The following SCOC variants were observed in gnomAD, a reference collection of about 807,000 sequenced individuals.
SCOC encodes short coiled-coil protein, also known as short coiled coil protein.
In SCOC, 7 loss-of-function variants were observed where a neutral mutation model predicts 9.9. The observed-to-expected ratio is 0.71, with a 90% CI of 0.40 to 1.33. SCOC has a LOEUF of 1.33. Ranked by LOEUF, SCOC falls within the 40% of genes most tolerant of loss-of-function variation. SCOC has a pLI of 0.01. For missense variants in SCOC, 66 were observed against 89.7 expected (o/e 0.74, Z 1.07); for synonymous variants, 19 against 28.2 (o/e 0.67, Z 1.03).
At chr4:140,378,759 T>A (rs1728449331) in intron 1 of SCOC, among the ~76,000 whole-genome samples, 1 of 152,182 alleles carries the variant, frequency 6.6e-6, no homozygotes, top group Admixed American at 6.5e-5. Flanking sequence ...TTAAAAAAGA[T>A]GTAAATGTTT....
chr4:140,363,227 C>T (rs528621299), intron 2 of SCOC, among the ~76,000 whole-genome samples: 1 of 152,298 alleles, frequency 6.6e-6, no homozygotes, highest in Admixed American at 6.5e-5. Context: ...AGTCCTTAGA[C>T]TCTGACCCAG....
intron 1 of SCOC, among the ~76,000 whole-genome samples, chr4:140,333,732 T>C (rs1476221106): frequency 6.6e-6 from 1 of 152,166 alleles, no homozygotes; most frequent in Non-Finnish European, 1.5e-5. Context: ...GGATGCCACA[T>C]GAATATTTGA....
intron 1 of SCOC, among the ~76,000 whole-genome samples, chr4:140,327,875 G>C (rs1732695308): frequency 6.6e-6 from 1 of 152,094 alleles, no homozygotes; most frequent in Admixed American, 6.5e-5. Flanking sequence ...AAGCTGTTTG[G>C]CATGTTTTTT....
intron 1 of SCOC, among the ~76,000 whole-genome samples, chr4:140,310,748 C>T (rs2126466689): frequency 6.6e-6 from 1 of 152,300 alleles, no homozygotes; most frequent in Admixed American, 6.5e-5. Context: ...GGAAACTCTG[C>T]TCTTCCTGTC....
rs1278716690 is a variant in SCOC, at chr4:140,383,264, A to G, written c.*2160A>G. The stretch of plus-strand genomic sequence containing the variant: ...AGTATCTTCCCTTACACAGAAAGTA[A>G]TCCCTCTTCATCCAGCTAGTGATTC... On this transcript the variant is annotated 3_prime_UTR_variant, in exon 4 of 4. Coordinates refer to ENST00000608372, the MANE Select transcript of SCOC (RefSeq NM_001153484.2). 1.3e-5 allele frequency: 2 copies of G among 152,142 alleles called. No homozygotes were observed. The highest frequency in any genetic ancestry group is 4.8e-5 in the African/African-American group (2 of 41,444). 9.4% of individuals were successfully genotyped at this position (152,142 alleles called of 1,614,324 possible). A position where few individuals can be genotyped will look rare whatever the true frequency, so the allele number is the denominator to read the frequency against.
chr4:140,337,225 A>G (rs1054468639), intron 1 of SCOC, among the ~76,000 whole-genome samples: 2 of 152,198 alleles, frequency 1.3e-5, no homozygotes, highest in Non-Finnish European at 2.9e-5. Flanking sequence ...TTTGATGCAC[A>G]AAAGTTTTTA....
chr4:140,379,285 A>G, intron 2 of SCOC, 93 bp downstream of exon 2: 1 of 901,190 alleles, frequency 1.1e-6, no homozygotes, highest in East Asian at 2.4e-5. Context: ...CCATGTTTAG[A>G]AGACTTTGAT....
At chr4:140,370,835 T>C (rs930465068), upstream of SCOC, among the ~76,000 whole-genome samples, 2 of 152,182 alleles carry the variant, frequency 1.3e-5, no homozygotes, top group South Asian at 4.1e-4. Context: ...AGTGGCCTAC[T>C]TACGTTATTT....
At chr4:140,282,342 G>A (rs552490776) in intron 1 of SCOC, among the ~76,000 whole-genome samples, 1 of 152,174 alleles carries the variant, frequency 6.6e-6, no homozygotes. Flanking sequence ...ATGAACCACA[G>A]TAATCATGAA....
intron 1 of SCOC, among the ~76,000 whole-genome samples, chr4:140,316,434 CAT>C (rs1247788116): frequency 6.6e-6 from 1 of 152,182 alleles, no homozygotes; most frequent in African/African-American, 2.4e-5. Flanking sequence ...TATAGCATTA[CAT>C]GTTTGCATAT....
In SCOC at chr4:140,365,163, T is replaced by G. The variant is rs985728905; in HGVS notation, c.71-13958T>G. ...CCAATCAAAGAAATCATGAAAGATA[T>G]GGATATGGCAAAAAAAAAAAAAAAG... On this transcript the variant is annotated intron_variant, in intron 2 of 4. Coordinates refer to the SCOC transcript ENST00000338517. Among the ~76,000 whole-genome samples the G allele has an allele frequency of 5.3e-5, 6 of 112,464 alleles. No individual in the cohort carries two copies. The East Asian group carries it at 1.5e-3, about 29-fold the overall frequency. The allele number at this position is 112,464 out of a possible 152,430, so 73.8% of individuals were successfully genotyped here.
At chr4:140,377,917 G>T (rs982106260) in intron 1 of SCOC, among the ~76,000 whole-genome samples, 2 of 152,144 alleles carry the variant, frequency 1.3e-5, no homozygotes, top group Admixed American at 1.3e-4. Context: ...ACACTGACAG[G>T]TCTAGGTTGC....
chr4:140,373,181 C>A (rs903047697), upstream of SCOC: 4 of 679,874 alleles, frequency 5.9e-6, no homozygotes, highest in African/African-American at 1.9e-5. Context: ...TAAGGAACGA[C>A]GGTGTCGCGT....
intron 1 of SCOC, among the ~76,000 whole-genome samples, chr4:140,287,079 A>C (rs1340296976): frequency 6.6e-6 from 1 of 152,070 alleles, no homozygotes; most frequent in Non-Finnish European, 1.5e-5. Context: ...CACACAGACC[A>C]TGCACATATA....
chr4:140,328,882 T>C (rs1350063041), intron 1 of SCOC, among the ~76,000 whole-genome samples: 3 of 152,212 alleles, frequency 2.0e-5, no homozygotes. Context: ...GAAATCTGTA[T>C]GCACTTTGAA....
intron 2 of SCOC, chr4:140,366,409 TGCA>T: frequency 7.5e-7 from 1 of 1,327,628 alleles, no homozygotes; most frequent in Non-Finnish European, 1.0e-6. Flanking sequence ...TAGCAGCAGC[TGCA>T]GCAGCAGTAG....
intron 1 of SCOC, among the ~76,000 whole-genome samples, chr4:140,302,891 C>A (rs563280110): frequency 6.6e-6 from 1 of 151,320 alleles, no homozygotes; most frequent in Non-Finnish European, 1.5e-5. Flanking sequence ...TATTCAAGGG[C>A]GGTTTCTTTT....
upstream of SCOC, among the ~76,000 whole-genome samples, chr4:140,368,720 G>A (rs370549935): frequency 7.6e-4 from 116 of 152,262 alleles, no homozygotes; most frequent in African/African-American, 2.7e-3. Flanking sequence ...GAGAAAAGGC[G>A]CAGGTAGGGG....
At chr4:140,293,224 G>C in intron 1 of SCOC, 1 of 440,210 alleles carries the variant, frequency 2.3e-6, no homozygotes, top group Non-Finnish European at 4.5e-6. Flanking sequence ...CAACTGGGCT[G>C]CCACTAGGTG....
Sources: allele counts gnomAD v4.1 joint callset (sites outside exome capture counted in the v4.1 genomes callset), GRCh38; gene constraint gnomAD v4.1.1; transcripts MANE v1.5; gene names NCBI Gene and HGNC (gene_info 2026-07-23, HGNC 2026-07-21).